The following CCDC171 variants were observed in gnomAD, a reference collection of about 807,000 sequenced individuals.
CCDC171 encodes coiled-coil domain-containing protein 171.
In CCDC171, 177 loss-of-function variants were observed where a neutral mutation model predicts 168.2. The observed-to-expected ratio is 1.05, with a 90% CI of 0.93 to 1.19. CCDC171 has a LOEUF of 1.19. CCDC171 is among the 50% of genes most tolerant of loss of function. The pLI is 0.00. For synonymous variants in CCDC171, 687 were observed against 540.8 expected (o/e 1.27, Z -3.75); for missense variants, 1,991 against 1,539.0 (o/e 1.29, Z -4.91).
the CCDC171 span, among the ~76,000 whole-genome samples, chr9:16,076,789 A>G: frequency 4.6e-5 from 7 of 152,204 alleles, no homozygotes; most frequent in South Asian, 2.1e-4. Flanking sequence ...CTCTGAAAAT[A>G]TAGGAGAGGT....
intron 6 of CCDC171, chr9:16,023,031 T>A (rs1833205159): frequency 6.6e-6 from 1 of 152,184 alleles, no homozygotes; most frequent in South Asian, 2.1e-4. Context: ...AGAACCCAAG[T>A]TCTGGAAGAC....
chr9:15,930,353 T>A (rs1407149262), intron 25 of CCDC171, among the ~76,000 whole-genome samples: 1 of 151,530 alleles, frequency 6.6e-6, no homozygotes, highest in Non-Finnish European at 1.5e-5. Flanking sequence ...AAATTTTAAG[T>A]AAATACTTTT....
In CCDC171 at chr9:15,591,315, T is replaced by G. The variant is rs767583470; in HGVS notation, c.353-51T>G. The G allele has an allele frequency of 4.2e-6, 5 of 1,193,338 alleles. No individual in the cohort carries two copies. The South Asian group carries it at 7.1e-5, about 17-fold the overall frequency. 73.9% of individuals were successfully genotyped at this position (1,193,338 alleles called of 1,614,324 possible). On this transcript the variant is annotated intron_variant, in intron 4 of 25. Transcript: ENST00000380701. ...TCCAATGCCTAGGTTTTGGGGCTCCTTGTTATTTAATTCATGGTTGTAAAT... is the reference window on the plus strand; with the variant it reads ...TCCAATGCCTAGGTTTTGGGGCTCCGTGTTATTTAATTCATGGTTGTAAAT...
At chr9:16,032,961 C>A (rs1833390288) in intron 6 of CCDC171, among the ~76,000 whole-genome samples, 1 of 152,190 alleles carries the variant, frequency 6.6e-6, no homozygotes, top group Admixed American at 6.5e-5. Context: ...TCCCCAAGAT[C>A]CACATTCTTA....
At chr9:16,072,884 T>C in the CCDC171 span, among the ~76,000 whole-genome samples, 3 of 152,218 alleles carry the variant, frequency 2.0e-5, no homozygotes, top group Non-Finnish European at 4.4e-5. Context: ...CACCAGATTG[T>C]GGGGTCCTTA....
chr9:16,001,624 C>T (rs1832547986), intron 3 of CCDC171, among the ~76,000 whole-genome samples: 1 of 151,968 alleles, frequency 6.6e-6, no homozygotes, highest in Admixed American at 6.6e-5. Context: ...CAATGGTGGT[C>T]CCATAAGATT....
intron 11 of CCDC171, among the ~76,000 whole-genome samples, chr9:15,711,145 G>A (rs7036285): frequency 0.45 from 68,860 of 151,864 alleles, 15,948 homozygotes; most frequent in Non-Finnish European, 0.51. Flanking sequence ...TATTACTATC[G>A]TGACTAAGGA....
intron 24 of CCDC171, among the ~76,000 whole-genome samples, chr9:15,895,093 C>G (rs566289743): frequency 1.3e-5 from 2 of 152,084 alleles, no homozygotes; most frequent in East Asian, 3.9e-4. Flanking sequence ...AGCCATGTCA[C>G]TTTTTAGCAA....
downstream of CCDC171, among the ~76,000 whole-genome samples, chr9:16,064,643 G>T (rs1215410365): frequency 1.3e-5 from 2 of 152,120 alleles, no homozygotes; most frequent in Non-Finnish European, 2.9e-5. Context: ...TCATGAAGAG[G>T]CATGGCAACT....
intron 7 of CCDC171, among the ~76,000 whole-genome samples, chr9:15,648,552 T>C (rs1445893041): frequency 1.3e-5 from 2 of 152,210 alleles, no homozygotes; most frequent in Non-Finnish European, 2.9e-5. Context: ...CAGCAAAGTC[T>C]CAGGATACAA....
the CCDC171 span, among the ~76,000 whole-genome samples, chr9:16,105,776 T>G: frequency 6.6e-6 from 1 of 152,184 alleles, no homozygotes; most frequent in Non-Finnish European, 1.5e-5. Context: ...ACCAACACGG[T>G]TTTTGGCCAG....
Position 15,564,032 on chromosome 9 carries a change from A to G in CCDC171, c.-57A>G. 7.1e-6 allele frequency: 10 copies of G among 1,401,846 alleles called. No individual in the cohort carries two copies. Among genetic ancestry groups the G allele is most frequent in the Non-Finnish European group, 9.0e-6 (9 of 999,074 alleles). The allele number at this position is 1,401,846 out of a possible 1,614,324, so 86.8% of individuals were successfully genotyped here. A position where few individuals can be genotyped will look rare whatever the true frequency, so the allele number is the denominator to read the frequency against. ...ACATCTTGGGCAATTTTAATCATCA[A>G]GAAAGAAATATGTCATTAAGAAATA... On this transcript the variant is annotated 5_prime_UTR_variant, in exon 2 of 26. Transcript: ENST00000380701.
chr9:15,870,578 C>T (rs182308658), intron 23 of CCDC171, among the ~76,000 whole-genome samples: 15 of 151,838 alleles, frequency 9.9e-5, no homozygotes, highest in Non-Finnish European at 1.9e-4. Flanking sequence ...TTAAGTCAAC[C>T]TCAGTTTTTA....
At chr9:15,981,023 C>T (rs1304085686) in intron 3 of CCDC171, among the ~76,000 whole-genome samples, 1 of 152,030 alleles carries the variant, frequency 6.6e-6, no homozygotes, top group Non-Finnish European at 1.5e-5. Context: ...AGAGCTTATG[C>T]AGGAAAACCC....
intron 1 of CCDC171, among the ~76,000 whole-genome samples, chr9:16,048,353 G>A (rs1028423414): frequency 2.0e-5 from 3 of 152,224 alleles, no homozygotes; most frequent in Non-Finnish European, 4.4e-5. Context: ...TCTGAGGAGG[G>A]AGCTGGCTGA....
rs546837061 is a variant in CCDC171, at chr9:15,813,445, A to G, written c.3267+28751A>G. ...TGGACATTATCATGTTTGAGCCATC[A>G]TACATTTTGTTTGTTTTTTGGCTAT... On this transcript the variant is annotated intron_variant, in intron 21 of 25. Transcript: ENST00000380701. 8.5e-5 allele frequency among the ~76,000 whole-genome samples: 13 copies of G among 152,276 alleles called. No individual in the cohort carries two copies. The South Asian group carries it at 2.7e-3, about 32-fold the overall frequency.
intron 7 of CCDC171, 58 bp downstream of exon 7, chr9:15,623,471 G>GCA (rs1424407806): frequency 3.0e-5 from 15 of 505,414 alleles, no homozygotes; most frequent in East Asian, 2.7e-4. Context: ...ATATGCGCGC[G>GCA]CGCGCACACA....
chr9:15,769,696 C>T lies in CCDC171; in HGVS notation c.2672-7904C>T, dbSNP rs111361626. ...GTCATCATAGTCTCCCCCGTACCAA[C>T]GGATGCTGGTGCAGTGCAGCCGGCC... On this transcript the variant is annotated intron_variant, in intron 18 of 25. Coordinates refer to ENST00000380701, the MANE Select transcript of CCDC171 (RefSeq NM_173550.4). Among the ~76,000 whole-genome samples the T allele has an allele frequency of 5.6e-3, 854 of 152,300 alleles. 2 individuals carry two copies. Among genetic ancestry groups the T allele is most frequent in the Non-Finnish European group, 9.6e-3 (651 of 68,032 alleles).
the CCDC171 span, among the ~76,000 whole-genome samples, chr9:16,088,822 G>A: frequency 1.1e-3 from 160 of 152,250 alleles, no homozygotes; most frequent in African/African-American, 3.6e-3. Context: ...TCCTCATCAA[G>A]CTACCATTGA....
Sources: allele counts gnomAD v4.1 joint callset (sites outside exome capture counted in the v4.1 genomes callset), GRCh38; gene constraint gnomAD v4.1.1; transcripts MANE v1.5; gene names NCBI Gene and HGNC (gene_info 2026-07-23, HGNC 2026-07-21).